Variants in CNTN5 observed in about 807,000 individuals in gnomAD.
CNTN5 encodes the protein contactin 5.
A neutral mutation model predicts 129.1 loss-of-function variants in CNTN5; 77 were observed. The observed-to-expected ratio is 0.60, with a 90% CI of 0.50 to 0.72. CNTN5 has a LOEUF of 0.72. Ranked by LOEUF, CNTN5 falls within the 30% of genes least tolerant of loss-of-function variation. CNTN5 has a pLI of 0.00. For missense variants in CNTN5, 1,478 were observed against 1,328.8 expected (o/e 1.11, Z -1.75); for synonymous variants, 509 against 465.6 (o/e 1.09, Z -1.20).
chr11:99,295,195 C>CA (rs1463867197), intron 1 of CNTN5, among the ~76,000 whole-genome samples: 3 of 152,016 alleles, frequency 2.0e-5, no homozygotes, highest in Non-Finnish European at 4.4e-5. Flanking sequence ...ACCGAACCAC[C>CA]AAAAAACAAA....
At chr11:99,441,919 A>T (rs1323804219) in intron 2 of CNTN5, among the ~76,000 whole-genome samples, 2 of 152,008 alleles carry the variant, frequency 1.3e-5, no homozygotes, top group Non-Finnish European at 2.9e-5. Flanking sequence ...TTGGATTGAG[A>T]TCTGGGGTTC....
At chr11:100,265,773 T>A (rs1027481495) in intron 17 of CNTN5, among the ~76,000 whole-genome samples, 8 of 152,160 alleles carry the variant, frequency 5.3e-5, no homozygotes, top group African/African-American at 1.9e-4. Context: ...TAAATGGGAA[T>A]AACTTGTTTA....
At chr11:99,948,542 C>T (rs974466605) in intron 7 of CNTN5, among the ~76,000 whole-genome samples, 2 of 152,140 alleles carry the variant, frequency 1.3e-5, no homozygotes, top group African/African-American at 4.8e-5. Flanking sequence ...AAAATTACAT[C>T]CCATGCATAT....
chr11:99,199,858 TC>T (rs1859082374), intron 1 of CNTN5, among the ~76,000 whole-genome samples: 1 of 152,146 alleles, frequency 6.6e-6, no homozygotes, highest in Admixed American at 6.5e-5. Flanking sequence ...ATTACAGTCT[TC>T]CACATTCTAC....
At chr11:99,792,809 T>C (rs1333101069) in intron 3 of CNTN5, among the ~76,000 whole-genome samples, 5 of 152,110 alleles carry the variant, frequency 3.3e-5, no homozygotes, top group African/African-American at 1.2e-4. Context: ...CAGAACTCTT[T>C]ATTGTTCTGT....
chr11:99,833,810 T>C (rs1947221043), intron 4 of CNTN5, among the ~76,000 whole-genome samples: 1 of 152,268 alleles, frequency 6.6e-6, no homozygotes, highest in East Asian at 1.9e-4. Context: ...AGGCTAACTT[T>C]AGGCAGCCAT....
At chr11:100,343,780 T>C (rs1283918557) in intron 23 of CNTN5, among the ~76,000 whole-genome samples, 1 of 152,082 alleles carries the variant, frequency 6.6e-6, no homozygotes, top group Non-Finnish European at 1.5e-5. Context: ...CTGGGCATGA[T>C]ACTCAGAAGG....
chr11:99,398,751 CT>C (rs1941653773), intron 2 of CNTN5, among the ~76,000 whole-genome samples: 1 of 151,794 alleles, frequency 6.6e-6, no homozygotes, highest in Admixed American at 6.6e-5. Flanking sequence ...AATTTTTTTA[CT>C]TTAAAGACCA....
chr11:100,270,755 T>A (rs920299760), intron 17 of CNTN5, among the ~76,000 whole-genome samples: 2 of 152,108 alleles, frequency 1.3e-5, no homozygotes, highest in Non-Finnish European at 2.9e-5. Context: ...TCCTAGAAAA[T>A]GAAAGAAAAC....
At chr11:99,343,962 T>C (rs1234439687) in intron 2 of CNTN5, among the ~76,000 whole-genome samples, 1 of 152,202 alleles carries the variant, frequency 6.6e-6, no homozygotes, top group Non-Finnish European at 1.5e-5. Flanking sequence ...ATCCAACATT[T>C]GAAAATGATA....
intron 2 of CNTN5, among the ~76,000 whole-genome samples, chr11:99,341,520 G>C (rs1034269759): frequency 1.3e-5 from 2 of 152,070 alleles, no homozygotes; most frequent in Admixed American, 1.3e-4. Flanking sequence ...ATGATTTGGA[G>C]CAAACCTTCA....
intron 3 of CNTN5, among the ~76,000 whole-genome samples, chr11:99,669,271 A>C (rs1952931140): frequency 6.6e-6 from 1 of 152,144 alleles, no homozygotes; most frequent in Non-Finnish European, 1.5e-5. Flanking sequence ...AAGCTATAAA[A>C]GATTGAGTCC....
chr11:99,110,282 A>G (rs924395367), intron 1 of CNTN5, among the ~76,000 whole-genome samples: 43 of 152,304 alleles, frequency 2.8e-4, no homozygotes, highest in African/African-American at 9.6e-4. Flanking sequence ...GCAGAATTAA[A>G]AACTGTGCCA....
At chr11:99,809,787 G>A (rs1476026991) in intron 3 of CNTN5, among the ~76,000 whole-genome samples, 1 of 152,088 alleles carries the variant, frequency 6.6e-6, no homozygotes, top group Non-Finnish European at 1.5e-5. Flanking sequence ...GCTAAGCAAT[G>A]CTAGCTTTTT....
chr11:100,057,085 G>A (rs755302686), intron 9 of CNTN5, among the ~76,000 whole-genome samples: 4 of 151,096 alleles, frequency 2.6e-5, no homozygotes, highest in South Asian at 2.1e-4. Flanking sequence ...GTGGCCATAC[G>A]TTTGATGTCA....
chr11:100,275,620 T>A (rs1950494351), intron 18 of CNTN5, among the ~76,000 whole-genome samples: 1 of 152,232 alleles, frequency 6.6e-6, no homozygotes, highest in Admixed American at 6.5e-5. Context: ...CTAAAGTGTA[T>A]TCAGATTGTG....
chr11:99,578,134 C>T (rs1026346572), intron 3 of CNTN5, among the ~76,000 whole-genome samples: 6 of 151,982 alleles, frequency 3.9e-5, no homozygotes, highest in East Asian at 1.9e-4. Flanking sequence ...CAGTTTCATC[C>T]ATGTCCCTAC....
intron 2 of CNTN5, among the ~76,000 whole-genome samples, chr11:99,507,571 A>G (rs1483900394): frequency 1.3e-5 from 2 of 152,178 alleles, no homozygotes; most frequent in African/African-American, 4.8e-5. Context: ...CCTAAAATAC[A>G]TAAACGATGT....
At chr11:100,214,969 G>T (rs1949108552) in intron 15 of CNTN5, among the ~76,000 whole-genome samples, 1 of 152,170 alleles carries the variant, frequency 6.6e-6, no homozygotes. Context: ...GGCTCAGGGG[G>T]TGCTATATGC....
Sources: allele counts gnomAD v4.1 joint callset (sites outside exome capture counted in the v4.1 genomes callset), GRCh38; gene constraint gnomAD v4.1.1; transcripts MANE v1.5; gene names NCBI Gene and HGNC (gene_info 2026-07-23, HGNC 2026-07-21).